ENOX1: variants seen among roughly 807,000 people sequenced by gnomAD.
ENOX1 encodes candidate growth-related and time keeping constitutive hydroquinone (NADH) oxidase.
A neutral mutation model predicts 82.5 loss-of-function variants in ENOX1; 42 were observed. The observed-to-expected ratio is 0.51, with a 90% CI of 0.40 to 0.66. The LOEUF (loss-of-function observed/expected upper bound fraction) is 0.66. ENOX1 is among the 30% of genes least tolerant of loss of function. ENOX1 has a pLI of 0.00. For synonymous variants in ENOX1, 271 were observed against 282.2 expected (o/e 0.96, Z 0.40); for missense variants, 608 against 811.6 (o/e 0.75, Z 3.05).
intron 16 of ENOX1, among the ~76,000 whole-genome samples, chr13:43,220,829 C>T (rs959414890): frequency 1.3e-5 from 2 of 152,206 alleles, no homozygotes; most frequent in Admixed American, 6.5e-5. Context: ...CCAGAATATG[C>T]ATACTATTAA....
At chr13:43,757,875 A>G (rs1950742209) in intron 1 of ENOX1, among the ~76,000 whole-genome samples, 1 of 152,196 alleles carries the variant, frequency 6.6e-6, no homozygotes, top group Non-Finnish European at 1.5e-5. Context: ...AAACCTGTAC[A>G]GGAATGTCCA....
rs71214135 is a variant in ENOX1, at chr13:43,247,828, CATATATATATATAT to C, written c.1612-11104_1612-11091del. On this transcript the variant is annotated intron_variant, in intron 14 of 16. Coordinates refer to ENST00000690772, the MANE Select transcript of ENOX1 (RefSeq NM_001347969.2). The stretch of plus-strand genomic sequence containing the variant: ...CACAGTGCTCTGTACACAGATGCAA[CATATATATATATAT>C]ATATATATATATATATATATATATA... Among the ~76,000 whole-genome samples the C allele has an allele frequency of 1.8e-3, 65 of 37,038 alleles. 2 individuals carry two copies. The highest frequency in any genetic ancestry group is 4.1e-3 in the African/African-American group (41 of 9,928). 24.3% of individuals were successfully genotyped at this position (37,038 alleles called of 152,430 possible). A position where few individuals can be genotyped will look rare whatever the true frequency, so the allele number is the denominator to read the frequency against.
chr13:43,304,493 G>A (rs2046756701), intron 11 of ENOX1, among the ~76,000 whole-genome samples: 1 of 152,090 alleles, frequency 6.6e-6, no homozygotes, highest in African/African-American at 2.4e-5. Context: ...GTAAACCAGG[G>A]ACCCTACTGT....
At chr13:43,442,677 C>G (rs1021280653) in intron 3 of ENOX1, among the ~76,000 whole-genome samples, 3 of 152,204 alleles carry the variant, frequency 2.0e-5, no homozygotes, top group Non-Finnish European at 4.4e-5. Flanking sequence ...AAGTGTTTCA[C>G]TGAGATTTAT....
chr13:43,775,197 G>A (rs1951846440), intron 1 of ENOX1, among the ~76,000 whole-genome samples: 1 of 152,048 alleles, frequency 6.6e-6, no homozygotes, highest in Admixed American at 6.5e-5. Context: ...CACCCAGGCT[G>A]GAGTATAATG....
chr13:43,614,333 T>C (rs770075908), intron 2 of ENOX1, among the ~76,000 whole-genome samples: 17 of 152,078 alleles, frequency 1.1e-4, no homozygotes, highest in Non-Finnish European at 4.4e-5. Context: ...GCTGAAAGGG[T>C]TGTCACTACA....
At chr13:43,317,706 T>TAA (rs144082837) in intron 11 of ENOX1, among the ~76,000 whole-genome samples, 16 of 147,234 alleles carry the variant, frequency 1.1e-4, no homozygotes, top group Non-Finnish European at 1.2e-4. Flanking sequence ...TTAGTGAAAT[T>TAA]AAAAAAAAAA....
rs143405005 is a variant in ENOX1 at position 43,239,272 on chromosome 13, C to T, written c.1612-2534G>A. 2.9e-4 allele frequency among the ~76,000 whole-genome samples: 44 copies of T among 152,212 alleles called. No homozygotes were observed. In the East Asian group the frequency reaches 8.1e-3, roughly 28 times the overall value. On this transcript the variant is annotated intron_variant, in intron 14 of 16. Transcript: ENST00000690772. Reference sequence around the variant, plus strand: ...AGTGGACACATCTCTCTGCATGGCTCCCACAACAGTCCAGCAGGCCTTGGC... The same window carrying T: ...AGTGGACACATCTCTCTGCATGGCTTCCACAACAGTCCAGCAGGCCTTGGC...
At chr13:43,784,625 T>C (rs1221845543) in intron 1 of ENOX1, among the ~76,000 whole-genome samples, 5 of 152,246 alleles carry the variant, frequency 3.3e-5, no homozygotes, top group African/African-American at 1.2e-4. Flanking sequence ...AATTGAATTG[T>C]TCTCCATGGA....
chr13:43,317,706 TA>T (rs144082837), intron 11 of ENOX1, among the ~76,000 whole-genome samples: 57 of 147,104 alleles, frequency 3.9e-4, no homozygotes, highest in East Asian at 9.9e-4. Flanking sequence ...TTAGTGAAAT[TA>T]AAAAAAAAAA....
chr13:43,782,468 C>T (rs910175486), intron 1 of ENOX1, among the ~76,000 whole-genome samples: 2 of 152,148 alleles, frequency 1.3e-5, no homozygotes, highest in Non-Finnish European at 2.9e-5. Flanking sequence ...ATCCTTCTAG[C>T]TAGAATAAGT....
At chr13:43,320,066 T>A (rs1221100516) in intron 11 of ENOX1, among the ~76,000 whole-genome samples, 1 of 152,142 alleles carries the variant, frequency 6.6e-6, no homozygotes, top group Non-Finnish European at 1.5e-5. Flanking sequence ...AAAGACCAGA[T>A]GGGAATTCTT....
At chr13:43,600,821 G>A (rs2081678766) in intron 2 of ENOX1, among the ~76,000 whole-genome samples, 1 of 152,196 alleles carries the variant, frequency 6.6e-6, no homozygotes, top group Non-Finnish European at 1.5e-5. Flanking sequence ...AGGCAGCTCA[G>A]CATTGAGAGA....
intron 14 of ENOX1, among the ~76,000 whole-genome samples, chr13:43,249,879 G>A (rs533258582): frequency 7.2e-5 from 11 of 152,130 alleles, no homozygotes; most frequent in South Asian, 4.2e-4. Flanking sequence ...TCTATTCACC[G>A]CTGCCTTGCA....
intron 2 of ENOX1, chr13:43,545,559 G>T (rs2078939634): frequency 6.6e-6 from 1 of 152,332 alleles, no homozygotes; most frequent in African/African-American, 2.4e-5. Flanking sequence ...TGAGGGGTCG[G>T]TGGGGAGTGT....
At chr13:43,309,881 A>G (rs1296679820) in intron 11 of ENOX1, among the ~76,000 whole-genome samples, 1 of 152,174 alleles carries the variant, frequency 6.6e-6, no homozygotes, top group African/African-American at 2.4e-5. Flanking sequence ...TTCAGGTAGC[A>G]ATGTTTTATT....
At chr13:43,223,685 C>T (rs2041897719) in intron 16 of ENOX1, among the ~76,000 whole-genome samples, 1 of 152,154 alleles carries the variant, frequency 6.6e-6, no homozygotes, top group African/African-American at 2.4e-5. Flanking sequence ...AAGTCCAGAA[C>T]ATGGAATCCT....
At chr13:43,217,269 T>C (rs1448654492) in intron 16 of ENOX1, among the ~76,000 whole-genome samples, 1 of 152,186 alleles carries the variant, frequency 6.6e-6, no homozygotes, top group East Asian at 1.9e-4. Flanking sequence ...ATTAGAGTGA[T>C]AGCAACATCA....
intron 14 of ENOX1, among the ~76,000 whole-genome samples, chr13:43,241,005 T>A (rs146072467): frequency 2.6e-5 from 4 of 152,294 alleles, no homozygotes; most frequent in African/African-American, 9.6e-5. Flanking sequence ...ATAAGATCCA[T>A]GAGAGTAGAC....
Sources: gnomAD v4.1 joint callset for allele counts (sites outside exome capture counted in the v4.1 genomes callset) on GRCh38, gnomAD v4.1.1 for gene constraint, MANE v1.5 for transcripts, NCBI Gene and HGNC (gene_info 2026-07-23, HGNC 2026-07-21) for gene names.